PRCP: variants seen among roughly 807,000 people sequenced by gnomAD.
The protein encoded by PRCP is prolylcarboxypeptidase, also known as lysosomal Pro-X carboxypeptidase.
A neutral mutation model predicts 54.2 loss-of-function variants in PRCP; 46 were observed. The observed-to-expected ratio is 0.85, with a 90% CI of 0.67 to 1.09. PRCP has a LOEUF of 1.09. PRCP is among the 50% of genes least tolerant of loss of function. The probability of loss-of-function intolerance (pLI) is 0.00; values close to 1 mark genes in which losing one functional copy is unlikely to be tolerated. For synonymous variants in PRCP, 240 were observed against 212.2 expected, an observed-to-expected ratio of 1.13 and a Z score of -1.14; for missense variants, 613 against 596.8, an observed-to-expected ratio of 1.03 and a Z score of -0.28.
upstream of PRCP, chr11:82,900,587 C>T (rs532427642): frequency 6.1e-5 from 48 of 792,834 alleles, no homozygotes; most frequent in African/African-American, 7.0e-4. Context: ...CACTCCGCCC[C>T]CATCCCCGAG....
chr11:82,855,944 A>T (rs906853745), intron 2 of PRCP, among the ~76,000 whole-genome samples: 6 of 152,226 alleles, frequency 3.9e-5, no homozygotes, highest in Admixed American at 1.3e-4. Flanking sequence ...AGCAGTTTGG[A>T]GATTTCCCAA....
At chr11:82,841,058 A>ATATATATATAT (rs1178732590) in intron 6 of PRCP, among the ~76,000 whole-genome samples, 1 of 149,624 alleles carries the variant, frequency 6.7e-6, no homozygotes, top group Non-Finnish European at 1.5e-5. Context: ...TATATAATAG[A>ATATATATATAT]CTAGTCCTGA....
chr11:82,849,828 T>A, intron 5 of PRCP, 86 bp downstream of exon 5: 2 of 1,185,920 alleles, frequency 1.7e-6, no homozygotes, highest in Non-Finnish European at 2.2e-6. Flanking sequence ...TTTAACAAAA[T>A]GTTTACTTAA....
At chr11:82,883,021 A>T (rs1380109900) in intron 1 of PRCP, among the ~76,000 whole-genome samples, 2 of 152,176 alleles carry the variant, frequency 1.3e-5, no homozygotes. Flanking sequence ...ACTGTTGACA[A>T]AACCAAGTAC....
intron 1 of PRCP, among the ~76,000 whole-genome samples, chr11:82,892,254 G>C (rs1292772586): frequency 1.3e-5 from 2 of 151,990 alleles, no homozygotes; most frequent in East Asian, 3.9e-4. Context: ...ACCTCTATGA[G>C]TTTCAATTAA....
chr11:82,900,661 G>C (rs1213501903), upstream of PRCP: 1 of 639,788 alleles, frequency 1.6e-6, no homozygotes, highest in Non-Finnish European at 2.9e-6. Flanking sequence ...CTTCATTGCG[G>C]TCACACCCCA....
intron 1 of PRCP, among the ~76,000 whole-genome samples, chr11:82,877,031 A>T (rs1859620513): frequency 6.6e-6 from 1 of 152,224 alleles, no homozygotes; most frequent in African/African-American, 2.4e-5. Flanking sequence ...AGGTGGTCTC[A>T]GACGGAGATG....
intron 3 of PRCP, 35 bp from the exon 4 acceptor site, chr11:82,850,540 G>C: frequency 6.9e-7 from 1 of 1,453,088 alleles, no homozygotes. Flanking sequence ...GGGTATAAAT[G>C]TGCACATAAC....
intron 8 of PRCP, chr11:82,827,233 T>C (rs1858257655): frequency 6.6e-6 from 1 of 152,222 alleles, no homozygotes; most frequent in South Asian, 2.1e-4. Context: ...ACTTTCTTGA[T>C]AGTATCATTT....
intron 1 of PRCP, among the ~76,000 whole-genome samples, chr11:82,879,767 C>A (rs1291418969): frequency 1.3e-5 from 2 of 152,232 alleles, no homozygotes; most frequent in East Asian, 3.8e-4. Context: ...TCGGGATCCT[C>A]AGCTGCAGGT....
chr11:82,859,578 T>A (rs576924137), intron 2 of PRCP, among the ~76,000 whole-genome samples: 5 of 152,250 alleles, frequency 3.3e-5, no homozygotes, highest in African/African-American at 4.8e-5. Context: ...GCTTGTTCAC[T>A]CTAGAAACAA....
chr11:82,837,784 A>T (rs1324266106), intron 8 of PRCP, among the ~76,000 whole-genome samples: 1 of 152,222 alleles, frequency 6.6e-6, no homozygotes, highest in Non-Finnish European at 1.5e-5. Flanking sequence ...TGACTTCTTA[A>T]GGAACAGTGT....
At chr11:82,879,362 A>T (rs540581376) in intron 1 of PRCP, among the ~76,000 whole-genome samples, 58 of 152,324 alleles carry the variant, frequency 3.8e-4, no homozygotes, top group African/African-American at 1.3e-3. Flanking sequence ...TTCTCGTGCC[A>T]TGGTTTTCAG....
At chr11:82,838,264 T>C (rs986963574) in intron 8 of PRCP, 123 bp downstream of exon 8, 2 of 875,016 alleles carry the variant, frequency 2.3e-6, no homozygotes, top group South Asian at 2.6e-5. Context: ...TAGGAAAACA[T>C]GACAGGTAGC....
intron 1 of PRCP, among the ~76,000 whole-genome samples, chr11:82,879,987 A>T (rs1023321612): frequency 1.3e-5 from 2 of 152,306 alleles, no homozygotes; most frequent in East Asian, 3.9e-4. Context: ...GGGGTCAGGG[A>T]CCCACTTAAG....
chr11:82,864,628 TG>T (rs1859288315), intron 1 of PRCP, among the ~76,000 whole-genome samples: 1 of 152,234 alleles, frequency 6.6e-6, no homozygotes, highest in African/African-American at 2.4e-5. Context: ...AATAATAGCA[TG>T]GTAAAGACAA....
chr11:82,856,995 A>T (rs1859105188), intron 2 of PRCP, among the ~76,000 whole-genome samples: 1 of 145,532 alleles, frequency 6.9e-6, no homozygotes, highest in South Asian at 2.2e-4. Context: ...AGATAGCGCC[A>T]CTGCACTCCA....
At chr11:82,855,863 G>C (rs867558802) in intron 2 of PRCP, among the ~76,000 whole-genome samples, 29 of 152,280 alleles carry the variant, frequency 1.9e-4, no homozygotes, top group African/African-American at 6.5e-4. Flanking sequence ...ACAGATGTTG[G>C]TGAGGTTGTG....
intron 4 of PRCP, 43 bp downstream of exon 4, chr11:82,850,281 A>T: frequency 6.6e-6 from 9 of 1,357,922 alleles, no homozygotes; most frequent in Non-Finnish European, 8.6e-6. Flanking sequence ...GTTTCCCTTG[A>T]TAATCATTAA....
Sources: allele counts gnomAD v4.1 joint callset (sites outside exome capture counted in the v4.1 genomes callset), GRCh38; gene constraint gnomAD v4.1.1; transcripts MANE v1.5; gene names NCBI Gene and HGNC (gene_info 2026-07-23, HGNC 2026-07-21).